KCNH5: variants seen among roughly 807,000 people sequenced by gnomAD.
KCNH5 encodes the protein voltage-gated delayed rectifier potassium channel KCNH5.
A neutral mutation model predicts 96.1 loss-of-function variants in KCNH5; 46 were observed. That is an observed-to-expected ratio of 0.48 (90% CI 0.38 to 0.61). KCNH5 has a LOEUF of 0.61. Among genes scored for constraint, KCNH5 ranks in the 20% least tolerant of loss-of-function variants. The pLI, the probability that KCNH5 is intolerant of heterozygous loss-of-function variation, is 0.00. For synonymous variants in KCNH5, 439 were observed against 449.8 expected (o/e 0.98, Z 0.30); for missense variants, 907 against 1,225.8 (o/e 0.74, Z 3.88).
intron 1 of KCNH5, among the ~76,000 whole-genome samples, chr14:63,034,986 T>C (rs1482369118): frequency 6.6e-6 from 1 of 152,200 alleles, no homozygotes; most frequent in Non-Finnish European, 1.5e-5. Context: ...GCCTATTTGA[T>C]GCATAACATC....
At chr14:62,755,322 T>C (rs944094816) in intron 10 of KCNH5, among the ~76,000 whole-genome samples, 4 of 152,106 alleles carry the variant, frequency 2.6e-5, no homozygotes, top group African/African-American at 9.7e-5. Flanking sequence ...ACCAATAGAT[T>C]GGAAAACCTA....
intron 7 of KCNH5, among the ~76,000 whole-genome samples, chr14:62,925,492 C>T (rs1889457847): frequency 6.6e-6 from 1 of 151,972 alleles, no homozygotes; most frequent in Non-Finnish European, 1.5e-5. Context: ...GAATATTCTT[C>T]AGCATCAAAT....
At chr14:62,976,854 T>G (rs1046116251) in intron 6 of KCNH5, among the ~76,000 whole-genome samples, 1 of 152,176 alleles carries the variant, frequency 6.6e-6, no homozygotes, top group Non-Finnish European at 1.5e-5. Context: ...AAGAGAGGTT[T>G]GTTTAAGAAA....
chr14:62,887,799 A>C (rs185808436), intron 7 of KCNH5, among the ~76,000 whole-genome samples: 47 of 152,196 alleles, frequency 3.1e-4, no homozygotes, highest in Admixed American at 1.7e-3. Context: ...TTCTTACTGC[A>C]TAAGAAAAAA....
intron 7 of KCNH5, among the ~76,000 whole-genome samples, chr14:62,915,801 T>G (rs1889261696): frequency 6.6e-6 from 1 of 152,206 alleles, no homozygotes; most frequent in African/African-American, 2.4e-5. Flanking sequence ...CGTACATTAC[T>G]TCATTTAATC....
intron 9 of KCNH5, among the ~76,000 whole-genome samples, chr14:62,796,361 A>T (rs1392573151): frequency 1.3e-5 from 2 of 152,184 alleles, no homozygotes; most frequent in East Asian, 3.9e-4. Context: ...ATCTTAATTC[A>T]AGTGCTAAAG....
In KCNH5 at chr14:62,802,295, G is replaced by A. The variant is rs141298052; in HGVS notation, c.1822+34C>T. On this transcript the variant is annotated intron_variant, in intron 9 of 10. Coordinates refer to ENST00000322893, the MANE Select transcript of KCNH5 (RefSeq NM_139318.5). ...GCAAAATATCTAAAACTGTTACTAC[G>A]CATTTGCTACTACATTAGGAAAGTT... 88 of 1,595,432 alleles carry A rather than the reference G, an allele frequency of 5.5e-5. No individual in the cohort carries two copies. In the African/African-American group the frequency reaches 9.7e-4, roughly 18 times the overall value.
chr14:62,927,679 C>T (rs1889501973), intron 7 of KCNH5, among the ~76,000 whole-genome samples: 1 of 152,008 alleles, frequency 6.6e-6, no homozygotes, highest in South Asian at 2.1e-4. Flanking sequence ...ACCTAAAATA[C>T]TCAAATTCAT....
intron 4 of KCNH5, among the ~76,000 whole-genome samples, chr14:63,000,781 T>C (rs1267746692): frequency 6.6e-6 from 1 of 152,136 alleles, no homozygotes; most frequent in Non-Finnish European, 1.5e-5. Context: ...TGATTCAAAA[T>C]TAACAATGCT....
chr14:62,843,612 A>C (rs1280867368), intron 8 of KCNH5, among the ~76,000 whole-genome samples: 1 of 151,604 alleles, frequency 6.6e-6, no homozygotes, highest in Non-Finnish European at 1.5e-5. Context: ...GGATTTCACC[A>C]TGTTGGCCAG....
At chr14:62,850,036 G>A (rs190062564) in intron 7 of KCNH5, among the ~76,000 whole-genome samples, 184 bp from the exon 8 acceptor site, 141 of 152,272 alleles carry the variant, frequency 9.3e-4, no homozygotes, top group Admixed American at 1.9e-3. Flanking sequence ...CCTGCAGTAG[G>A]AGAAACATGA....
At chr14:62,770,997 C>T (rs1014525399) in intron 10 of KCNH5, among the ~76,000 whole-genome samples, 14 of 152,146 alleles carry the variant, frequency 9.2e-5, no homozygotes, top group African/African-American at 3.4e-4. Context: ...AGGCTCTGAT[C>T]CAATAGGACT....
intron 10 of KCNH5, among the ~76,000 whole-genome samples, chr14:62,773,099 T>C (rs1433892189): frequency 6.6e-6 from 1 of 152,234 alleles, no homozygotes; most frequent in East Asian, 1.9e-4. Context: ...ACTGACAATC[T>C]TCTTCGAAAT....
At chr14:62,766,616 G>A (rs1365248958) in intron 10 of KCNH5, among the ~76,000 whole-genome samples, 7 of 152,112 alleles carry the variant, frequency 4.6e-5, no homozygotes, top group Non-Finnish European at 8.8e-5. Flanking sequence ...TATTTGTGGG[G>A]TCTAAAAAAA....
In KCNH5 at chr14:62,705,837, C is replaced by A. The variant is rs1032237696; in HGVS notation, c.*1671G>T. 4.6e-5 allele frequency: 7 copies of A among 152,028 alleles called. No individual in the cohort carries two copies. In the South Asian group the frequency reaches 1.4e-3, roughly 31 times the overall value. 9.4% of individuals were successfully genotyped at this position (152,028 alleles called of 1,614,324 possible). A position where few individuals can be genotyped will look rare whatever the true frequency, so the allele number is the denominator to read the frequency against. ...AAATGGGTATAATAGATCAAGATAT[C>A]TCCTTCGATTTTGCCATCATCTTTT... On this transcript the variant is annotated 3_prime_UTR_variant, in exon 11 of 11. Transcript: ENST00000322893.
rs369811431 is a variant in KCNH5 at position 62,708,113 on chromosome 14, C to T, written c.2362G>A (p.Gly788Ser). 9.9e-6 allele frequency: 16 copies of T among 1,614,196 alleles called. No individual in the cohort carries two copies. The African/African-American group carries it at 1.7e-4, about 17-fold the overall frequency. Residue 788 changes from glycine (G) to serine (S), a missense_variant, in exon 11 of 11, where the codon GGC (glycine) becomes AGC (serine). Physicochemically the swap from Gly to Ser is moderately conservative, Grantham distance 56 (BLOSUM62 0). Around this residue, in one of 6 missense-constraint regions of KCNH5, gnomAD observed 362 missense variants for 394.4 expected, o/e 0.92. Coordinates refer to ENST00000322893, the MANE Select transcript of KCNH5 (RefSeq NM_139318.5). ...NRDAMELKPN[G>S]GADQKCLKVN... ...TTGAGACATTTTTGGTCAGCACCGC[C>T]GTTGGGCTTGAGTTCCATGGCATCA...
chr14:62,925,960 C>A (rs1482212719), intron 7 of KCNH5, among the ~76,000 whole-genome samples: 2 of 152,052 alleles, frequency 1.3e-5, no homozygotes, highest in Non-Finnish European at 2.9e-5. Context: ...GAGGCATAGA[C>A]AAGGTATTCT....
intron 8 of KCNH5, among the ~76,000 whole-genome samples, chr14:62,807,249 G>T (rs745602041): frequency 3.9e-5 from 6 of 152,100 alleles, no homozygotes; most frequent in Non-Finnish European, 8.8e-5. Context: ...CCTAAACACA[G>T]TAACCCAAAT....
In KCNH5 at chr14:62,910,899, C is replaced by CCACACACACA. The variant is rs1555363113; in HGVS notation, c.1369+39224_1369+39233dup. ...CAAACAGGGTATGTGTGTGCATACA[C>CCACACACACA]CACACACACACACACACACACACAC... On this transcript the variant is annotated intron_variant, in intron 7 of 10. Transcript: ENST00000322893. 5.5e-3 allele frequency among the ~76,000 whole-genome samples: 765 copies of CCACACACACA among 140,326 alleles called. 5 individuals are homozygous for CCACACACACA. The highest frequency in any genetic ancestry group is 0.021 in the South Asian group (82 of 3,990). The allele number at this position is 140,326 out of a possible 152,430, so 92.1% of individuals were successfully genotyped here. A position where few individuals can be genotyped will look rare whatever the true frequency, so the allele number is the denominator to read the frequency against.
Sources: gnomAD v4.1 joint callset for allele counts (sites outside exome capture counted in the v4.1 genomes callset) on GRCh38, gnomAD v4.1.1 for gene constraint, gnomAD v4.1.1 regional missense constraint, MANE v1.5 for transcripts, NCBI Gene and HGNC (gene_info 2026-07-23, HGNC 2026-07-21) for gene names.